Variants in SLC36A4 observed in about 807,000 individuals in gnomAD.
SLC36A4 encodes the protein solute carrier family 36 member 4, also known as neutral amino acid uniporter 4.
In SLC36A4, 49 loss-of-function variants were observed where a neutral mutation model predicts 50.5. That is an observed-to-expected ratio of 0.97 (90% confidence interval 0.77 to 1.23). The LOEUF (loss-of-function observed/expected upper bound fraction) is 1.23. Ranked by LOEUF, SLC36A4 falls within the 50% of genes most tolerant of loss-of-function variation. SLC36A4 has a pLI of 0.00. For missense variants in SLC36A4, 611 were observed against 608.4 expected (o/e 1.00, Z -0.05); for synonymous variants, 207 against 206.5 (o/e 1.00, Z -0.02).
chr11:93,196,045 T>C (rs1034331722), intron 1 of SLC36A4, among the ~76,000 whole-genome samples: 12 of 152,212 alleles, frequency 7.9e-5, no homozygotes, highest in Non-Finnish European at 1.5e-5. Flanking sequence ...TTTTTATCTG[T>C]TTTGCTCACG....
intron 9 of SLC36A4, among the ~76,000 whole-genome samples, chr11:93,161,086 C>G (rs1160530924): frequency 6.6e-6 from 1 of 152,142 alleles, no homozygotes; most frequent in African/African-American, 2.4e-5. Flanking sequence ...GTGATCCTCC[C>G]ACCTTTTCCT....
chr11:93,181,447 G>A (rs187392738), intron 5 of SLC36A4, among the ~76,000 whole-genome samples: 6 of 151,752 alleles, frequency 4.0e-5, no homozygotes, highest in Admixed American at 2.6e-4. Flanking sequence ...CTGTGAAATG[G>A]GTATTACTGT....
At chr11:93,193,113 A>G (rs1431431259) in intron 1 of SLC36A4, 22 of 726,768 alleles carry the variant, frequency 3.0e-5, no homozygotes, top group Non-Finnish European at 3.4e-5. Flanking sequence ...TTAAATGCCA[A>G]TCTTTGACAA....
intron 4 of SLC36A4, among the ~76,000 whole-genome samples, chr11:93,182,070 T>C (rs1000344792): frequency 2.0e-5 from 3 of 152,116 alleles, no homozygotes; most frequent in Admixed American, 2.0e-4. Context: ...CTTTATTAAT[T>C]TAAATATTTC....
intron 9 of SLC36A4, chr11:93,160,118 T>C: frequency 1.0e-6 from 1 of 985,398 alleles, no homozygotes; most frequent in South Asian, 4.7e-5. Flanking sequence ...AACTTCTCAC[T>C]TTACAGAATG....
intron 1 of SLC36A4, among the ~76,000 whole-genome samples, chr11:93,188,125 G>A (rs2134705807): frequency 6.6e-6 from 1 of 152,206 alleles, no homozygotes; most frequent in South Asian, 2.1e-4. Context: ...AAAATTTTCT[G>A]TTTTTATACT....
At chr11:93,170,729 T>A (rs1354671639) in intron 6 of SLC36A4, among the ~76,000 whole-genome samples, 2 of 152,012 alleles carry the variant, frequency 1.3e-5, no homozygotes, top group Non-Finnish European at 2.9e-5. Flanking sequence ...TATCTTAGAG[T>A]AAGAACAGAG....
intron 9 of SLC36A4, chr11:93,160,220 A>G: frequency 4.1e-6 from 4 of 985,446 alleles, no homozygotes; most frequent in Non-Finnish European, 4.8e-6. Flanking sequence ...GTCCACACAG[A>G]AACAGACTAT....
chr11:93,173,445 G>A (rs1362835556), intron 6 of SLC36A4, among the ~76,000 whole-genome samples: 1 of 148,250 alleles, frequency 6.7e-6, no homozygotes, highest in African/African-American at 2.5e-5. Flanking sequence ...AAGCTCTTTA[G>A]TTTAATTAGA....
chr11:93,195,084 C>T (rs1862364371), intron 1 of SLC36A4, among the ~76,000 whole-genome samples: 1 of 151,476 alleles, frequency 6.6e-6, no homozygotes, highest in Non-Finnish European at 1.5e-5. Flanking sequence ...GGCTTCCCTT[C>T]AAGTGAGTGA....
chr11:93,182,393 T>C (rs904838527), intron 4 of SLC36A4: 1 of 216,112 alleles, frequency 4.6e-6, no homozygotes, highest in Non-Finnish European at 7.9e-6. Context: ...TATTTCATGA[T>C]ACAAAAATAA....
In SLC36A4 at chr11:93,184,424, T is replaced by G. The variant is rs778998966; in HGVS notation, c.270+6A>C. The stretch of plus-strand genomic sequence containing the variant: ...CTTAACTGGTGATTACAAAGATAAG[T>G]CTTACCACTATGCCTGCATTTTTTA... On this transcript the variant is annotated splice_donor_region_variant and intron_variant, in intron 3 of 10. Coordinates refer to ENST00000326402, the MANE Select transcript of SLC36A4 (RefSeq NM_152313.4). 5.1e-6 allele frequency: 8 copies of G among 1,568,570 alleles called. No individual in the cohort carries two copies. The Admixed American group carries it at 1.3e-4, about 26-fold the overall frequency.
At chr11:93,193,775 A>T (rs1298418461) in intron 1 of SLC36A4, among the ~76,000 whole-genome samples, 3 of 152,160 alleles carry the variant, frequency 2.0e-5, no homozygotes, top group Non-Finnish European at 4.4e-5. Context: ...TTCTAAAATC[A>T]CATTAATTTA....
intron 10 of SLC36A4, among the ~76,000 whole-genome samples, chr11:93,150,405 T>C (rs568711499): frequency 6.6e-6 from 1 of 152,190 alleles, no homozygotes; most frequent in Non-Finnish European, 1.5e-5. Flanking sequence ...TCTGTGGCTT[T>C]CAATATTTTC....
Position 93,179,175 on chromosome 11 carries a change from AG to A in SLC36A4, c.540+1621del, listed in dbSNP as rs572346652. ...TTTACTGACACTTGTGCTATCAACCAGGTACAGTACTAGGTCTGAGAAATAA... is the reference window on the plus strand; with the variant it reads ...TTTACTGACACTTGTGCTATCAACCAGTACAGTACTAGGTCTGAGAAATAA... On this transcript the variant is annotated intron_variant, in intron 6 of 10. Transcript: ENST00000326402. Among the ~76,000 whole-genome samples the A allele has an allele frequency of 1.2e-3, 189 of 152,110 alleles. 1 individual carries two copies. The highest frequency in any genetic ancestry group is 4.3e-3 in the African/African-American group (177 of 41,538).
intron 5 of SLC36A4, 50 bp from the exon 6 acceptor site, chr11:93,180,931 C>G: frequency 1.7e-6 from 2 of 1,195,608 alleles, no homozygotes; most frequent in Non-Finnish European, 2.5e-6. Context: ...ACTGAAATGT[C>G]AATATATTTT....
chr11:93,168,780 G>A (rs943706979), intron 6 of SLC36A4, among the ~76,000 whole-genome samples: 1 of 152,004 alleles, frequency 6.6e-6, no homozygotes, highest in African/African-American at 2.4e-5. Context: ...ATTTTTGCTA[G>A]AGCAAAAACC....
chr11:93,182,206 T>C, intron 4 of SLC36A4: 2 of 395,146 alleles, frequency 5.1e-6, no homozygotes, highest in Non-Finnish European at 6.9e-6. Flanking sequence ...TCATTTAATC[T>C]TCCCATGAGG....
chr11:93,194,316 AC>A (rs1404919781), intron 1 of SLC36A4, among the ~76,000 whole-genome samples: 2 of 152,072 alleles, frequency 1.3e-5, no homozygotes, highest in Non-Finnish European at 2.9e-5. Context: ...CAATAGAAAA[AC>A]TAAAAGAAAG....
Sources: gnomAD v4.1 joint callset for allele counts (sites outside exome capture counted in the v4.1 genomes callset) on GRCh38, gnomAD v4.1.1 for gene constraint, MANE v1.5 for transcripts, NCBI Gene and HGNC (gene_info 2026-07-23, HGNC 2026-07-21) for gene names.